SAP30BP: variants seen among roughly 807,000 people sequenced by gnomAD.
The protein encoded by SAP30BP is SAP30 binding protein, also known as SAP30-binding protein.
A neutral mutation model predicts 46.3 loss-of-function variants in SAP30BP; 31 were observed. The ratio of observed to expected loss-of-function variants is 0.67; its 90% CI spans 0.50 to 0.90. SAP30BP has a LOEUF of 0.90. SAP30BP is among the 40% of genes least tolerant of loss of function. The probability of loss-of-function intolerance (pLI) is 0.00; values close to 1 mark genes in which losing one functional copy is unlikely to be tolerated. For missense variants in SAP30BP, 312 were observed against 391.0 expected (o/e 0.80, Z 1.70); for synonymous variants, 169 against 144.2 (o/e 1.17, Z -1.23).
Position 75,706,388 on chromosome 17 carries a change from C to A in SAP30BP, c.794C>A (p.Thr265Lys). 3.1e-6 allele frequency: 5 copies of A among 1,614,024 alleles called. No homozygotes were observed. Among genetic ancestry groups the A allele is most frequent in the Non-Finnish European group, 4.2e-6 (5 of 1,180,002 alleles). ...TGGGATTCGGCTATCCCAGTGACAA[C>A]GATAGCCCAGCCCACCATCCTCACC... ...SKWDSAIPVTTIAQPTILTTT... is the reference protein window; with the variant it reads ...SKWDSAIPVTKIAQPTILTTT... Residue 265 changes from threonine (T) to lysine (K), a missense_variant, in exon 11 of 11, where the codon ACG (threonine) becomes AAG (lysine). Physicochemically the swap from Thr to Lys is moderately conservative, Grantham distance 78 (BLOSUM62 -1). Around this residue, in one of 2 missense-constraint regions of SAP30BP, gnomAD observed 296 missense variants for 346.6 expected, o/e 0.85. Coordinates refer to ENST00000584667, the MANE Select transcript of SAP30BP (RefSeq NM_013260.8). The surrounding 1 kb of genome is among the most constrained non-coding windows in gnomAD (Gnocchi z 4.6).
At chr17:75,702,457 AC>A in intron 5 of SAP30BP, 22 bp from the exon 6 acceptor site, 4 of 1,126,470 alleles carry the variant, frequency 3.6e-6, no homozygotes, top group Non-Finnish European at 4.0e-6. Context: ...ACACCCCCCC[AC>A]CCCCTCTGCT....
At chr17:75,673,480 C>T (rs1050439406) in intron 3 of SAP30BP, among the ~76,000 whole-genome samples, 1 of 152,032 alleles carries the variant, frequency 6.6e-6, no homozygotes, top group African/African-American at 2.4e-5. Context: ...GCCCAGGGAG[C>T]CGTTAAGTGT....
At chr17:75,672,615 AATT>A (rs2059923626) in intron 3 of SAP30BP, among the ~76,000 whole-genome samples, 1 of 152,136 alleles carries the variant, frequency 6.6e-6, no homozygotes, top group African/African-American at 2.4e-5. Context: ...AAAAAGACTT[AATT>A]ATATCACTCT....
At chr17:75,670,196 C>T (rs527461203) in intron 2 of SAP30BP, among the ~76,000 whole-genome samples, 2 of 152,038 alleles carry the variant, frequency 1.3e-5, no homozygotes, top group Non-Finnish European at 2.9e-5. Flanking sequence ...GTGGTACGCA[C>T]CTGTAGTCCC....
chr17:75,668,062 A>G (rs1487164933), intron 1 of SAP30BP: 2 of 160,668 alleles, frequency 1.2e-5, no homozygotes, highest in Admixed American at 6.5e-5. Flanking sequence ...GAGAAGCACA[A>G]TGTTAGATAA....
intron 9 of SAP30BP, chr17:75,705,755 G>T (rs930371980): frequency 1.2e-5 from 13 of 1,106,458 alleles, no homozygotes; most frequent in Non-Finnish European, 1.4e-5. Flanking sequence ...TGGGCGGGGG[G>T]TGCCGGGCAT....
At position 75,704,780 on chromosome 17, in the gene SAP30BP, A is replaced by G; in HGVS notation, c.626A>G (p.Asp209Gly). The G allele has an allele frequency of 1.2e-6, 2 of 1,613,878 alleles. No homozygotes were observed. The highest frequency in any genetic ancestry group is 8.5e-7 in the Non-Finnish European group (1 of 1,179,916). ...GCCAAGGCCCAGAAAATTGAGATGG[A>G]CAAATTGGAAAAGGCCAAAAAGGAG... The part of the protein sequence containing the change: ...ALAKAQKIEM[D>G]KLEKAKKERT... Residue 209 changes from aspartate to glycine, a missense_variant, in exon 9 of 11, where the codon GAC becomes GGC. By Grantham distance (94) the Asp-to-Gly change is moderately conservative. Coordinates refer to ENST00000584667, the MANE Select transcript of SAP30BP (RefSeq NM_013260.8).
At chr17:75,705,568 G>A (rs1285852916) in intron 9 of SAP30BP, 1 of 983,650 alleles carries the variant, frequency 1.0e-6, no homozygotes, top group Non-Finnish European at 1.2e-6. Context: ...ACCCTTGATT[G>A]AATCTCCCTT....
At chr17:75,697,038 A>G (rs1040992884) in intron 4 of SAP30BP, among the ~76,000 whole-genome samples, 2 of 151,922 alleles carry the variant, frequency 1.3e-5, no homozygotes, top group Non-Finnish European at 2.9e-5. Flanking sequence ...CGGCCTCCCA[A>G]AGTGCTGGGA....
At chr17:75,704,932 C>A in intron 9 of SAP30BP, 118 bp downstream of exon 9, 1 of 793,360 alleles carries the variant, frequency 1.3e-6, no homozygotes, top group Middle Eastern at 2.4e-4. Flanking sequence ...CATCACCCGG[C>A]GATGCTCTGA....
At chr17:75,680,649 G>A (rs893265795) in intron 3 of SAP30BP, among the ~76,000 whole-genome samples, 1 of 152,178 alleles carries the variant, frequency 6.6e-6, no homozygotes, top group Non-Finnish European at 1.5e-5. Flanking sequence ...CTGATTATAC[G>A]CCCTTATCCT....
At chr17:75,701,794 C>T (rs1408841670) in intron 5 of SAP30BP, among the ~76,000 whole-genome samples, 1 of 152,206 alleles carries the variant, frequency 6.6e-6, no homozygotes, top group East Asian at 1.9e-4. Flanking sequence ...CCCTGCGTAT[C>T]AACACCAACC....
At chr17:75,697,024 G>T (rs549846562) in intron 4 of SAP30BP, among the ~76,000 whole-genome samples, 1 of 152,120 alleles carries the variant, frequency 6.6e-6, no homozygotes, top group Non-Finnish European at 1.5e-5. Context: ...TGATCCGCCC[G>T]CCTCGGCCTC....
chr17:75,703,775 T>C (rs2060451585), intron 7 of SAP30BP, 33 bp from the exon 8 acceptor site: 1 of 1,603,026 alleles, frequency 6.2e-7, no homozygotes, highest in Non-Finnish European at 8.5e-7. Flanking sequence ...CTGAGTCATT[T>C]GTCATCTGAG....
At chr17:75,695,552 T>C (rs1020622000) in intron 4 of SAP30BP, among the ~76,000 whole-genome samples, 1 of 152,214 alleles carries the variant, frequency 6.6e-6, no homozygotes, top group African/African-American at 2.4e-5. Context: ...GGCATCGTTT[T>C]GATTACTCAC....
At position 75,671,853 on chromosome 17, in the gene SAP30BP, A is replaced by T; in HGVS notation, c.254A>T (p.Asp85Val). The T allele has an allele frequency of 6.2e-7, 1 of 1,613,646 alleles. No homozygotes were observed. Among genetic ancestry groups the T allele is most frequent in the Non-Finnish European group, 8.5e-7 (1 of 1,179,542 alleles). The change falls in exon 3 of 11, where the codon GAT becomes GTT. Residue 85 changes from aspartate to valine, a missense_variant. Asp to Val is a radical substitution (Grantham distance 152). This residue lies in a region of SAP30BP where 296 missense variants were observed against 346.6 expected (regional missense o/e 0.85). Coordinates refer to ENST00000584667, the MANE Select transcript of SAP30BP (RefSeq NM_013260.8). ...TCAGAGACTGAAAAACCTGAGGCTG[A>T]TGACCCAAAGGTATTTGGTGTTGGC... ...DDSETEKPEA[D>V]DPKDNTEAEK...
chr17:75,697,585 C>G (rs958721606), intron 4 of SAP30BP, among the ~76,000 whole-genome samples: 1 of 152,228 alleles, frequency 6.6e-6, no homozygotes. Context: ...TCTCTGTCCT[C>G]TTGCCGTCAC....
intron 3 of SAP30BP, among the ~76,000 whole-genome samples, chr17:75,673,121 A>C (rs1240351138): frequency 6.6e-6 from 1 of 152,208 alleles, no homozygotes; most frequent in Non-Finnish European, 1.5e-5. Flanking sequence ...CTGTGATTGG[A>C]TAGAACTGTA....
intron 5 of SAP30BP, among the ~76,000 whole-genome samples, chr17:75,701,963 C>T (rs547475883): frequency 2.0e-5 from 3 of 152,158 alleles, no homozygotes; most frequent in Non-Finnish European, 2.9e-5. Flanking sequence ...AGCCTGGTCT[C>T]GGTTTATCTT....
Sources: gnomAD v4.1 joint callset for allele counts (sites outside exome capture counted in the v4.1 genomes callset) on GRCh38, gnomAD v4.1.1 for gene constraint, gnomAD v4.1.1 regional missense constraint, Gnocchi (gnomAD v3.1) non-coding constraint, MANE v1.5 for transcripts, NCBI Gene and HGNC (gene_info 2026-07-23, HGNC 2026-07-21) for gene names.